The following PDE8A variants were observed in gnomAD, a reference collection of about 807,000 sequenced individuals.
PDE8A encodes high affinity cAMP-specific and IBMX-insensitive 3',5'-cyclic phosphodiesterase 8A.
PDE8A carries 59 observed loss-of-function variants against 105.0 expected under a neutral mutation model. That is an observed-to-expected ratio of 0.56 (90% CI 0.46 to 0.70). PDE8A has a LOEUF of 0.70. Ranked by LOEUF, PDE8A falls within the 30% of genes least tolerant of loss-of-function variation. The pLI is 0.00. For missense variants in PDE8A, 1,014 were observed against 1,045.9 expected (o/e 0.97, Z 0.42); for synonymous variants, 355 against 371.9 (o/e 0.95, Z 0.52).
intron 1 of PDE8A, among the ~76,000 whole-genome samples, chr15:85,029,557 T>C (rs1328332909): frequency 1.3e-5 from 2 of 152,176 alleles, no homozygotes; most frequent in East Asian, 3.8e-4. Context: ...TCTTCCCAAA[T>C]ATACATTTTA....
chr15:85,091,876 A>G (rs1280654530), intron 8 of PDE8A, among the ~76,000 whole-genome samples: 4 of 143,116 alleles, frequency 2.8e-5, no homozygotes, highest in African/African-American at 1.0e-4. Context: ...GCTTTTCACA[A>G]TCATTCATGG....
At chr15:85,076,046 A>T in intron 4 of PDE8A, 128 bp downstream of exon 4, 1 of 522,084 alleles carries the variant, frequency 1.9e-6, no homozygotes, top group Non-Finnish European at 3.5e-6. Flanking sequence ...TCTCTTCTTT[A>T]TTCTTTATTT....
At chr15:85,007,831 T>C (rs1032996811) in intron 1 of PDE8A, among the ~76,000 whole-genome samples, 5 of 152,134 alleles carry the variant, frequency 3.3e-5, no homozygotes, top group African/African-American at 7.2e-5. Flanking sequence ...AACTGATGAA[T>C]TGGAAATTTG....
intron 1 of PDE8A, among the ~76,000 whole-genome samples, chr15:85,030,074 T>C (rs1209344789): frequency 1.3e-5 from 2 of 152,198 alleles, no homozygotes; most frequent in Non-Finnish European, 2.9e-5. Flanking sequence ...GACCAACAGG[T>C]GCTGTTAGAG....
intron 1 of PDE8A, among the ~76,000 whole-genome samples, chr15:85,015,291 A>G (rs1305057064): frequency 6.6e-6 from 1 of 151,874 alleles, no homozygotes; most frequent in East Asian, 1.9e-4. Context: ...CAGTGGTGCA[A>G]TCACAGCTCA....
rs575605447 is a variant in PDE8A, at chr15:85,087,340, C to A, written c.636-1998C>A. 4.6e-5 allele frequency among the ~76,000 whole-genome samples: 7 copies of A among 152,200 alleles called. No homozygotes were observed. In the East Asian group the frequency reaches 1.4e-3, roughly 29 times the overall value. On this transcript the variant is annotated intron_variant, in intron 6 of 21. Transcript: ENST00000394553. ...ACCTCAGCTTCTCAAGTAGCTAGGA[C>A]TACAGATGTATACCACCAGGCCAGC...
rs956820596 is a variant in PDE8A at position 84,984,728 on chromosome 15, A to G, written c.186+2380A>G. Among the ~76,000 whole-genome samples, 5 of 152,322 alleles carry G rather than the reference A, an allele frequency of 3.3e-5. No individual in the cohort carries two copies. The East Asian group carries it at 9.6e-4, about 29-fold the overall frequency. ...GTGGACTGTTAGTATTGTATGAGAAAAGAGTTCCGTGGTCTGGTAAGTTTT... is the reference window on the plus strand; with the variant it reads ...GTGGACTGTTAGTATTGTATGAGAAGAGAGTTCCGTGGTCTGGTAAGTTTT... On this transcript the variant is annotated intron_variant, in intron 1 of 21. Coordinates refer to ENST00000394553, the MANE Select transcript of PDE8A (RefSeq NM_002605.3).
intron 12 of PDE8A, among the ~76,000 whole-genome samples, chr15:85,111,120 A>G (rs1040368791): frequency 1.3e-5 from 2 of 152,166 alleles, no homozygotes; most frequent in Admixed American, 6.5e-5. Flanking sequence ...TTGTCTAGAT[A>G]TGGGTTATCT....
At chr15:85,133,104 T>C (rs148509384) in intron 20 of PDE8A, among the ~76,000 whole-genome samples, 29 of 152,328 alleles carry the variant, frequency 1.9e-4, no homozygotes, top group African/African-American at 7.0e-4. Flanking sequence ...TCTCAAACAT[T>C]TTCTGAGCAT....
rs1460403651 is a variant in PDE8A, at chr15:85,138,487, T to TCAGAGC, written c.*587_*592dup. The TCAGAGC allele has an allele frequency of 6.5e-6, 1 of 152,676 alleles. No homozygotes were observed. 9.5% of individuals were successfully genotyped at this position (152,676 alleles called of 1,614,324 possible). A position where few individuals can be genotyped will look rare whatever the true frequency, so the allele number is the denominator to read the frequency against. On this transcript the variant is annotated 3_prime_UTR_variant, in exon 22 of 22. Transcript: ENST00000394553. ...TATTTTCTATGAATTCAAAAATACT[T>TCAGAGC]CAGAGCCAAAGCCAACTTCAAATAC...
intron 8 of PDE8A, 91 bp downstream of exon 8, chr15:85,091,272 C>A: frequency 8.8e-7 from 1 of 1,139,646 alleles, no homozygotes; most frequent in Non-Finnish European, 1.2e-6. Flanking sequence ...TAATCTTAAT[C>A]TTACTCCTCC....
At chr15:85,105,386 T>C (rs1343112285) in intron 11 of PDE8A, among the ~76,000 whole-genome samples, 1 of 152,064 alleles carries the variant, frequency 6.6e-6, no homozygotes, top group Non-Finnish European at 1.5e-5. Flanking sequence ...TGAGGAGATG[T>C]TCCGACAGTC....
intron 20 of PDE8A, among the ~76,000 whole-genome samples, chr15:85,130,771 T>G (rs1398874954): frequency 1.3e-5 from 2 of 152,240 alleles, no homozygotes; most frequent in Non-Finnish European, 2.9e-5. Flanking sequence ...TATATCTTCC[T>G]GATGAATTGA....
chr15:85,069,016 G>T (rs1020149615), intron 3 of PDE8A, among the ~76,000 whole-genome samples: 2 of 152,128 alleles, frequency 1.3e-5, no homozygotes, highest in African/African-American at 4.8e-5. Context: ...ATTGAGCTAT[G>T]TACAAGAGAA....
At chr15:85,017,925 A>C (rs2080356070) in intron 1 of PDE8A, among the ~76,000 whole-genome samples, 1 of 134,012 alleles carries the variant, frequency 7.5e-6, no homozygotes, top group African/African-American at 2.6e-5. Flanking sequence ...AATTATGTGG[A>C]GAAAGTTTTT....
intron 1 of PDE8A, among the ~76,000 whole-genome samples, chr15:85,040,911 G>C: frequency 3.9e-5 from 6 of 151,988 alleles, no homozygotes; most frequent in Non-Finnish European, 8.8e-5. Context: ...AGATCTCATT[G>C]TCTTTATTTT....
At chr15:85,090,082 T>C (rs1341970443) in intron 7 of PDE8A, among the ~76,000 whole-genome samples, 2 of 152,234 alleles carry the variant, frequency 1.3e-5, no homozygotes, top group Non-Finnish European at 2.9e-5. Flanking sequence ...GACTTGTGAC[T>C]TCCTTGTTGA....
intron 5 of PDE8A, among the ~76,000 whole-genome samples, chr15:85,077,476 T>G (rs2081395982): frequency 6.6e-6 from 1 of 152,194 alleles, no homozygotes; most frequent in South Asian, 2.1e-4. Context: ...TAGTTTCAAG[T>G]TTTCTGGATG....
At chr15:84,981,022 A>G (rs950829554), upstream of PDE8A, among the ~76,000 whole-genome samples, 3 of 151,802 alleles carry the variant, frequency 2.0e-5, no homozygotes, top group Non-Finnish European at 2.9e-5. Flanking sequence ...TTTGACTTTC[A>G]CTACCCCCAA....
Sources: allele counts gnomAD v4.1 joint callset (sites outside exome capture counted in the v4.1 genomes callset), GRCh38; gene constraint gnomAD v4.1.1; transcripts MANE v1.5; gene names NCBI Gene and HGNC (gene_info 2026-07-23, HGNC 2026-07-21).